Variants in UBE2E1 observed in about 807,000 individuals in gnomAD.
The protein encoded by UBE2E1 is ubiquitin conjugating enzyme E2 E1, also known as ubiquitin-conjugating enzyme E2 E1.
UBE2E1 carries 6 observed loss-of-function variants against 21.4 expected under a neutral mutation model. The observed-to-expected ratio is 0.28, with a 90% confidence interval of 0.15 to 0.55. The LOEUF is 0.55. Among genes scored for constraint, UBE2E1 ranks in the 20% least tolerant of loss-of-function variants. The probability of loss-of-function intolerance (pLI) is 0.93; values close to 1 mark genes in which losing one functional copy is unlikely to be tolerated. For synonymous variants in UBE2E1, 87 were observed against 82.7 expected (o/e 1.05, Z -0.28); for missense variants, 142 against 236.5 (o/e 0.60, Z 2.62).
chr3:23,834,090 G>A (rs1699926497), intron 3 of UBE2E1, among the ~76,000 whole-genome samples: 1 of 152,184 alleles, frequency 6.6e-6, no homozygotes, highest in Non-Finnish European at 1.5e-5. Context: ...AAAACTTCAA[G>A]AGGTTAACTC....
Position 23,806,626 on chromosome 3 carries a change from G to A in UBE2E1, c.-34+538G>A, listed in dbSNP as rs1405133624. Among the ~76,000 whole-genome samples the A allele has an allele frequency of 6.6e-6, 1 of 151,510 alleles. No individual in the cohort carries two copies. Among genetic ancestry groups the A allele is most frequent in the African/African-American group, 2.4e-5 (1 of 41,304 alleles). Reference sequence around the variant, plus strand: ...AGGGCGGCCAGAGGCAGGCAGGCCGGGAGGGGCGTCGGGGCGCGGCGCGGG... The same window carrying A: ...AGGGCGGCCAGAGGCAGGCAGGCCGAGAGGGGCGTCGGGGCGCGGCGCGGG... On this transcript the variant is annotated intron_variant, in intron 1 of 5. Coordinates refer to ENST00000306627, the MANE Select transcript of UBE2E1 (RefSeq NM_003341.5). The surrounding 1 kb of genome is among the most constrained non-coding windows in gnomAD (Gnocchi z 6.5).
intron 3 of UBE2E1, among the ~76,000 whole-genome samples, chr3:23,847,508 T>TG: frequency 6.9e-6 from 1 of 145,442 alleles, no homozygotes. Flanking sequence ...TTTTTTTTTT[T>TG]TTTTGAGACA....
chr3:23,826,335 A>G (rs1181782108), intron 3 of UBE2E1, among the ~76,000 whole-genome samples: 2 of 152,242 alleles, frequency 1.3e-5, no homozygotes, highest in African/African-American at 2.4e-5. Flanking sequence ...TGTAATGCAT[A>G]CATAATATTT....
chr3:23,825,527 A>G (rs1699739412), intron 3 of UBE2E1, among the ~76,000 whole-genome samples: 1 of 152,252 alleles, frequency 6.6e-6, no homozygotes, highest in Non-Finnish European at 1.5e-5. Context: ...AAACAAATGT[A>G]CAAAAGTAAT....
At chr3:23,813,280 A>G (rs190445238) in intron 3 of UBE2E1, among the ~76,000 whole-genome samples, 2 of 152,326 alleles carry the variant, frequency 1.3e-5, no homozygotes, top group Admixed American at 6.5e-5. Context: ...TTTGCAAGAG[A>G]ATGTATATTA....
At position 23,890,755 on chromosome 3, in the gene UBE2E1, T is replaced by C. The variant is rs1454056076; in HGVS notation, c.*149T>C. On this transcript the variant is annotated 3_prime_UTR_variant, in exon 6 of 6. Transcript: ENST00000306627. Reference sequence around the variant, plus strand: ...AGTCTTATTTCCTAAGATTTTGTTGTAACTTAAGGTATCTTGCTACAGTAG... The same window carrying C: ...AGTCTTATTTCCTAAGATTTTGTTGCAACTTAAGGTATCTTGCTACAGTAG... 9.2e-6 allele frequency: 6 copies of C among 649,338 alleles called. No individual in the cohort carries two copies. The highest frequency in any genetic ancestry group is 1.2e-5 in the Non-Finnish European group (5 of 422,262). 40.2% of individuals were successfully genotyped at this position (649,338 alleles called of 1,614,324 possible).
At chr3:23,875,621 CTT>C (rs1289226297) in intron 3 of UBE2E1, among the ~76,000 whole-genome samples, 5 of 152,174 alleles carry the variant, frequency 3.3e-5, no homozygotes, top group African/African-American at 1.2e-4. Flanking sequence ...TGTTACAAGA[CTT>C]TTGGAGGGCT....
At position 23,836,785 on chromosome 3, in the gene UBE2E1, G is replaced by T. The variant is rs570848022; in HGVS notation, c.203+25275G>T. Among the ~76,000 whole-genome samples the T allele has an allele frequency of 2.5e-4, 38 of 152,162 alleles. No individual in the cohort carries two copies. The highest frequency in any genetic ancestry group is 4.7e-4 in the Non-Finnish European group (32 of 68,034). ...CCCTCAGGGGCATGTGAAAGTAAAT[G>T]ACATATGACAGACAGAATCATGCCC... On this transcript the variant is annotated intron_variant, in intron 3 of 5. Transcript: ENST00000306627. This position sits in a 1 kb window ranked among gnomAD's most constrained non-coding sequence, Gnocchi z 4.1.
chr3:23,855,786 T>C lies in UBE2E1; in HGVS notation c.204-31781T>C, dbSNP rs111679355. ...CGGAGCTTGCAGTGAGCCAAGATCATGCCACTGCACTCCAGCCTGGGCGAC... is the reference window on the plus strand; with the variant it reads ...CGGAGCTTGCAGTGAGCCAAGATCACGCCACTGCACTCCAGCCTGGGCGAC... On this transcript the variant is annotated intron_variant, in intron 3 of 5. Coordinates refer to ENST00000306627, the MANE Select transcript of UBE2E1 (RefSeq NM_003341.5). 5.9e-3 allele frequency among the ~76,000 whole-genome samples: 900 copies of C among 151,984 alleles called. 16 individuals carry two copies. Among genetic ancestry groups the C allele is most frequent in the East Asian group, 0.049 (252 of 5,140 alleles).
At chr3:23,886,028 T>C (rs1701175735) in intron 3 of UBE2E1, among the ~76,000 whole-genome samples, 1 of 151,948 alleles carries the variant, frequency 6.6e-6, no homozygotes, top group Non-Finnish European at 1.5e-5. Context: ...GAGACCCCCA[T>C]CTACACAAAT....
In UBE2E1 at chr3:23,833,222, TA is replaced by T. The variant is rs148830974; in HGVS notation, c.203+21713del. ...CTCTCAGTAGAGTATAAAATGGAGA[TA>T]TTTTTTATTTTTAAAATATGAGTTT... On this transcript the variant is annotated intron_variant, in intron 3 of 5. Coordinates refer to ENST00000306627, the MANE Select transcript of UBE2E1 (RefSeq NM_003341.5). Among the ~76,000 whole-genome samples, 1,382 of 152,344 alleles carry T rather than the reference TA, an allele frequency of 9.1e-3. 20 individuals are homozygous for T. Among genetic ancestry groups the T allele is most frequent in the African/African-American group, 0.031 (1,288 of 41,572 alleles).
At chr3:23,822,283 G>A (rs568860718) in intron 3 of UBE2E1, among the ~76,000 whole-genome samples, 1 of 152,276 alleles carries the variant, frequency 6.6e-6, no homozygotes, top group South Asian at 2.1e-4. Context: ...TGATTTTCAA[G>A]AATGAAAATG....
Position 23,807,457 on chromosome 3 carries a change from T to C in UBE2E1, c.152+36T>C, listed in dbSNP as rs199536631. ...CTTTTTTTTTTCCACAGGCTTCCTA[T>C]TTCCGAACTGCCTCTTGCTGCATTT... On this transcript the variant is annotated intron_variant, in intron 2 of 5. Transcript: ENST00000306627. The C allele has an allele frequency of 7.7e-5, 123 of 1,594,324 alleles. No homozygotes were observed. In the African/African-American group the frequency reaches 1.4e-3, roughly 18 times the overall value.
At chr3:23,814,030 G>A (rs1164328025) in intron 3 of UBE2E1, among the ~76,000 whole-genome samples, 1 of 152,136 alleles carries the variant, frequency 6.6e-6, no homozygotes, top group Non-Finnish European at 1.5e-5. Flanking sequence ...TCAGCATTCA[G>A]TGTGTAGTTT....
intron 3 of UBE2E1, among the ~76,000 whole-genome samples, chr3:23,865,480 G>A (rs945144812): frequency 1.3e-5 from 2 of 152,108 alleles, no homozygotes; most frequent in East Asian, 1.9e-4. Flanking sequence ...TTAGCCTCCC[G>A]AGTAACTGCG....
intron 3 of UBE2E1, among the ~76,000 whole-genome samples, chr3:23,872,623 T>G (rs1017383590): frequency 1.3e-5 from 2 of 152,236 alleles, no homozygotes; most frequent in Non-Finnish European, 2.9e-5. Context: ...TTTTACCATA[T>G]TCACAATTAA....
intron 3 of UBE2E1, among the ~76,000 whole-genome samples, chr3:23,812,204 T>A (rs1477558851): frequency 6.8e-6 from 1 of 147,256 alleles, no homozygotes; most frequent in Non-Finnish European, 1.5e-5. Context: ...ACTTGATGAC[T>A]TTACTAGATC....
chr3:23,806,249 G>A lies in UBE2E1; in HGVS notation c.-34+161G>A, dbSNP rs1455071599. On this transcript the variant is annotated intron_variant, in intron 1 of 5. Coordinates refer to ENST00000306627, the MANE Select transcript of UBE2E1 (RefSeq NM_003341.5). The surrounding 1 kb of genome is among the most constrained non-coding windows in gnomAD (Gnocchi z 6.5). The stretch of plus-strand genomic sequence containing the variant: ...CGGAGAGGGGCTGGGGAGCCCCAGG[G>A]GTCCGGGGCCCGCCCGCGGGGGATG... Among the ~76,000 whole-genome samples, 1 of 149,708 alleles carries A rather than the reference G, an allele frequency of 6.7e-6. No homozygotes were observed. Among genetic ancestry groups the A allele is most frequent in the Non-Finnish European group, 1.5e-5 (1 of 67,108 alleles).
At chr3:23,855,920 G>A (rs982464798) in intron 3 of UBE2E1, among the ~76,000 whole-genome samples, 3 of 152,198 alleles carry the variant, frequency 2.0e-5, no homozygotes, top group Non-Finnish European at 4.4e-5. Flanking sequence ...GTTCAGTTCC[G>A]TGAGGTGTGG....
Sources: gnomAD v4.1 joint callset for allele counts (sites outside exome capture counted in the v4.1 genomes callset) on GRCh38, gnomAD v4.1.1 for gene constraint, Gnocchi (gnomAD v3.1) non-coding constraint, MANE v1.5 for transcripts, NCBI Gene and HGNC (gene_info 2026-07-23, HGNC 2026-07-21) for gene names.